Variants in LRIG1 observed in about 807,000 individuals in gnomAD.
LRIG1 encodes the protein leucine rich repeats and immunoglobulin like domains 1.
LRIG1 carries 48 observed loss-of-function variants against 99.2 expected under a neutral mutation model. The ratio of observed to expected loss-of-function variants is 0.48; its 90% CI spans 0.38 to 0.62. The LOEUF (loss-of-function observed/expected upper bound fraction) is 0.62. LRIG1 is among the 20% of genes least tolerant of loss of function. LRIG1 has a pLI of 0.00. For synonymous variants in LRIG1, 772 were observed against 596.1 expected, an observed-to-expected ratio of 1.29 and a Z score of -4.30; for missense variants, 1,646 against 1,434.4, an observed-to-expected ratio of 1.15 and a Z score of -2.38.
intron 3 of LRIG1, among the ~76,000 whole-genome samples, chr3:66,424,145 C>T (rs577433704): frequency 3.9e-5 from 6 of 152,164 alleles, no homozygotes; most frequent in South Asian, 2.1e-4. Flanking sequence ...GAAGACCCCA[C>T]GTTTCAAAGC....
chr3:66,497,682 T>A (rs909614208), intron 1 of LRIG1, among the ~76,000 whole-genome samples: 2 of 118,078 alleles, frequency 1.7e-5, no homozygotes, highest in African/African-American at 6.3e-5. Flanking sequence ...AGAAGCAACT[T>A]CCACATCAGA....
At chr3:66,482,599 G>C (rs1013254072) in intron 1 of LRIG1, among the ~76,000 whole-genome samples, 4 of 152,136 alleles carry the variant, frequency 2.6e-5, no homozygotes, top group African/African-American at 9.7e-5. Context: ...CAGAGGCAGT[G>C]GTACCGAAAA....
chr3:66,417,796 GA>G (rs56184898), intron 3 of LRIG1, among the ~76,000 whole-genome samples: 5,739 of 134,330 alleles, frequency 0.043, 139 homozygotes, highest in African/African-American at 0.047. Context: ...AAAAGAAAAA[GA>G]AAAAAAAAAA....
At chr3:66,461,805 C>G (rs998023206) in intron 2 of LRIG1, among the ~76,000 whole-genome samples, 3 of 152,178 alleles carry the variant, frequency 2.0e-5, no homozygotes, top group African/African-American at 7.2e-5. Flanking sequence ...AAGACTGCAG[C>G]CTGATTTCCA....
At chr3:66,499,159 G>A (rs1559830711) in intron 1 of LRIG1, among the ~76,000 whole-genome samples, 2 of 151,972 alleles carry the variant, frequency 1.3e-5, no homozygotes. Context: ...TCATGCACCA[G>A]ATTTGTTAGA....
At chr3:66,488,976 A>G (rs1384871786) in intron 1 of LRIG1, among the ~76,000 whole-genome samples, 3 of 152,126 alleles carry the variant, frequency 2.0e-5, no homozygotes, top group Admixed American at 2.0e-4. Context: ...TTTTTTCTTT[A>G]AATTTTTACC....
intron 3 of LRIG1, among the ~76,000 whole-genome samples, chr3:66,442,699 A>G (rs1310085540): frequency 6.6e-6 from 1 of 152,074 alleles, no homozygotes; most frequent in Non-Finnish European, 1.5e-5. Flanking sequence ...ATCTTGGGCT[A>G]TATTTAAAGC....
At chr3:66,404,132 C>T (rs1278964708) in intron 9 of LRIG1, 1 of 657,862 alleles carries the variant, frequency 1.5e-6, no homozygotes, top group Non-Finnish European at 2.4e-6. Context: ...AGACAGCCAA[C>T]AGAGCTTATT....
chr3:66,416,585 T>C (rs1702619587), intron 4 of LRIG1, among the ~76,000 whole-genome samples: 1 of 152,228 alleles, frequency 6.6e-6, no homozygotes, highest in Non-Finnish European at 1.5e-5. Context: ...GGGACATTAA[T>C]ATGGGTAAGA....
chr3:66,385,907 T>C (rs957379203), intron 13 of LRIG1, 74 bp downstream of exon 13: 25 of 1,339,032 alleles, frequency 1.9e-5, no homozygotes, highest in Non-Finnish European at 2.3e-5. Flanking sequence ...CATCTCTACA[T>C]GGAAAGCTGA....
chr3:66,472,302 T>C (rs1171332244), intron 1 of LRIG1, among the ~76,000 whole-genome samples: 13 of 30,526 alleles, frequency 4.3e-4, no homozygotes, highest in African/African-American at 2.4e-3. Context: ...AGACTCTGTC[T>C]CAAAAAAAAA....
chr3:66,380,803 C>G lies in LRIG1; in HGVS notation c.2829G>C (p.Arg943Ser). 3 of 1,614,196 alleles carry G rather than the reference C, an allele frequency of 1.9e-6. No individual in the cohort carries two copies. The highest frequency in any genetic ancestry group is 2.5e-6 in the Non-Finnish European group (3 of 1,180,046). Residue 943 changes from arginine (R) to serine (S), a missense_variant, in exon 18 of 19, where the codon AGG (arginine) becomes AGC (serine). Coordinates refer to ENST00000273261, the MANE Select transcript of LRIG1 (RefSeq NM_015541.3). Reference sequence around the variant, plus strand: ...CAGGCTGGGGGTGGAAGGCTTGTCCCCTGGAGTAACAGTCCACTTCGGTGT... The same window carrying G: ...CAGGCTGGGGGTGGAAGGCTTGTCCGCTGGAGTAACAGTCCACTTCGGTGT... ...DCNTEVDCYS[R>S]GQAFHPQPVS... is the part of the protein sequence containing the mutation.
chr3:66,481,725 T>C (rs1473358655), intron 1 of LRIG1, among the ~76,000 whole-genome samples: 1 of 152,240 alleles, frequency 6.6e-6, no homozygotes, highest in Non-Finnish European at 1.5e-5. Flanking sequence ...AGTAGTGATC[T>C]TTGTGGCAGG....
At chr3:66,416,977 G>T in intron 4 of LRIG1, 152 bp downstream of exon 4, 1 of 951,348 alleles carries the variant, frequency 1.1e-6, no homozygotes, top group Non-Finnish European at 1.6e-6. Flanking sequence ...GCCCTGCTCA[G>T]GGAAGGTCTG....
rs151022550 is a variant in LRIG1, at chr3:66,401,172, G to T, written c.1161-2131C>A. Among the ~76,000 whole-genome samples the T allele has an allele frequency of 3.3e-5, 5 of 152,318 alleles. No homozygotes were observed. The South Asian group carries it at 1.0e-3, about 32-fold the overall frequency. On this transcript the variant is annotated intron_variant, in intron 9 of 18. Transcript: ENST00000273261. ...GTGAAAACAATCGCATTCTGAAAGCGTTTCCACACCTCTCTTCAGTCTGAA... is the reference window on the plus strand; with the variant it reads ...GTGAAAACAATCGCATTCTGAAAGCTTTTCCACACCTCTCTTCAGTCTGAA...
intron 3 of LRIG1, among the ~76,000 whole-genome samples, chr3:66,418,852 A>C (rs769731399): frequency 2.0e-5 from 3 of 151,748 alleles, no homozygotes; most frequent in Non-Finnish European, 4.4e-5. Context: ...TCGAAAGTCC[A>C]TTTCCAAGGG....
At chr3:66,449,461 T>A (rs1015379490) in intron 3 of LRIG1, among the ~76,000 whole-genome samples, 1 of 152,232 alleles carries the variant, frequency 6.6e-6, no homozygotes, top group Non-Finnish European at 1.5e-5. Context: ...CTGCTTTACA[T>A]ACTTCAATGC....
In LRIG1 at chr3:66,398,918, G is replaced by A. The variant is rs377169896; in HGVS notation, c.1232+52C>T. Reference sequence around the variant, plus strand: ...ATTAAATTGCTAGCAGAACTCCCCGGCAGCCGCATTCAGCAGGCTGTGCCT... The same window carrying A: ...ATTAAATTGCTAGCAGAACTCCCCGACAGCCGCATTCAGCAGGCTGTGCCT... On this transcript the variant is annotated intron_variant, in intron 10 of 18. Coordinates refer to ENST00000273261, the MANE Select transcript of LRIG1 (RefSeq NM_015541.3). The A allele has an allele frequency of 3.5e-5, 52 of 1,479,522 alleles. No homozygotes were observed. The African/African-American group carries it at 6.2e-4, about 18-fold the overall frequency. 91.6% of individuals were successfully genotyped at this position (1,479,522 alleles called of 1,614,324 possible). A position where few individuals can be genotyped will look rare whatever the true frequency, so the allele number is the denominator to read the frequency against.
chr3:66,382,705 C>A (rs1701151059), intron 15 of LRIG1, among the ~76,000 whole-genome samples: 1 of 152,186 alleles, frequency 6.6e-6, no homozygotes, highest in Admixed American at 6.5e-5. Context: ...GGCAGCAGGG[C>A]CTGTGCATAG....
Sources: allele counts gnomAD v4.1 joint callset (sites outside exome capture counted in the v4.1 genomes callset), GRCh38; gene constraint gnomAD v4.1.1; transcripts MANE v1.5; gene names NCBI Gene and HGNC (gene_info 2026-07-23, HGNC 2026-07-21).